Variants in LUC7L observed in about 807,000 individuals in gnomAD.
The protein encoded by LUC7L is putative RNA-binding protein Luc7-like 1.
LUC7L carries 29 observed loss-of-function variants against 51.1 expected under a neutral mutation model. That is an observed-to-expected ratio of 0.57 (90% CI 0.42 to 0.77). LUC7L has a LOEUF of 0.77. Ranked by LOEUF, LUC7L falls within the 30% of genes least tolerant of loss-of-function variation. The pLI, the probability that LUC7L is intolerant of heterozygous loss-of-function variation, is 0.00. For missense variants in LUC7L, 403 were observed against 511.9 expected (o/e 0.79, Z 2.05); for synonymous variants, 181 against 180.7 (o/e 1.00, Z -0.01).
At chr16:227,387 C>A (rs2142128067) in intron 1 of LUC7L, 51 bp from the exon 2 acceptor site, 1 of 1,552,384 alleles carries the variant, frequency 6.4e-7, no homozygotes. Context: ...CATTAACCAC[C>A]AAAAAATAAC....
At chr16:194,394 A>AC (rs1408604111) in intron 6 of LUC7L, among the ~76,000 whole-genome samples, 1 of 152,184 alleles carries the variant, frequency 6.6e-6, no homozygotes, top group Non-Finnish European at 1.5e-5. Context: ...GGCCTGAACC[A>AC]CCCAGCCTAT....
chr16:224,166 G>A (rs1438706428), intron 2 of LUC7L, among the ~76,000 whole-genome samples: 1 of 152,188 alleles, frequency 6.6e-6, no homozygotes, highest in Non-Finnish European at 1.5e-5. Flanking sequence ...AACAAAGTAT[G>A]AAGTACAAAT....
intron 1 of LUC7L, chr16:228,811 G>GT: frequency 7.7e-7 from 1 of 1,290,772 alleles, no homozygotes; most frequent in Non-Finnish European, 1.0e-6. Flanking sequence ...TCAGTTTACG[G>GT]TTCCCCTTGC....
intron 3 of LUC7L, among the ~76,000 whole-genome samples, chr16:217,776 C>T (rs1037811398): frequency 2.6e-5 from 4 of 151,226 alleles, no homozygotes; most frequent in African/African-American, 9.7e-5. Context: ...CAGTGGCTCA[C>T]GCCTATAATC....
intron 3 of LUC7L, among the ~76,000 whole-genome samples, chr16:219,507 G>C (rs952497096): frequency 1.4e-4 from 21 of 152,124 alleles, no homozygotes; most frequent in Admixed American, 6.6e-5. Context: ...CCTGAGCCCA[G>C]CAATTCACTT....
At chr16:204,288 G>GA (rs771018903) in intron 5 of LUC7L, among the ~76,000 whole-genome samples, 1,141 of 111,756 alleles carry the variant, frequency 0.01, 6 homozygotes, top group African/African-American at 0.025. Flanking sequence ...TACTAGAAAT[G>GA]AAAAAAAAAA....
At chr16:228,300 G>T in intron 1 of LUC7L, 1 of 1,302,842 alleles carries the variant, frequency 7.7e-7, no homozygotes, top group Non-Finnish European at 1.0e-6. Flanking sequence ...ACACTTTTTT[G>T]TTATAACAGC....
At chr16:204,455 G>C (rs1035474055) in intron 5 of LUC7L, among the ~76,000 whole-genome samples, 3 of 151,850 alleles carry the variant, frequency 2.0e-5, no homozygotes, top group Non-Finnish European at 4.4e-5. Flanking sequence ...TTAGCCGGGC[G>C]TGGTGGTGGG....
intron 6 of LUC7L, among the ~76,000 whole-genome samples, chr16:198,015 T>C (rs1168055112): frequency 6.6e-6 from 1 of 152,000 alleles, no homozygotes; most frequent in Admixed American, 6.6e-5. Flanking sequence ...ACGCCTGTGG[T>C]CCCAGCACTT....
At chr16:200,777 G>C (rs1418089863) in intron 5 of LUC7L, among the ~76,000 whole-genome samples, 2 of 151,940 alleles carry the variant, frequency 1.3e-5, no homozygotes, top group African/African-American at 2.4e-5. Flanking sequence ...ACCTACTCAA[G>C]AGACTGATTC....
chr16:224,821 G>C (rs888175866), intron 2 of LUC7L, among the ~76,000 whole-genome samples: 5 of 151,650 alleles, frequency 3.3e-5, no homozygotes, highest in African/African-American at 1.2e-4. Flanking sequence ...AACAGAGTGA[G>C]ACTCCGTCTG....
chr16:203,866 A>ACCTGGG, intron 5 of LUC7L, among the ~76,000 whole-genome samples: 1 of 151,992 alleles, frequency 6.6e-6, no homozygotes, highest in Admixed American at 6.6e-5. Context: ...AACACAAAAA[A>ACCTGGG]TTAGCCAGGT....
At chr16:189,709 G>C (rs2142030975) in intron 9 of LUC7L, 1 of 1,364,090 alleles carries the variant, frequency 7.3e-7, no homozygotes. Flanking sequence ...CAGCCACTCT[G>C]AGCATGGACG....
intron 4 of LUC7L, among the ~76,000 whole-genome samples, chr16:206,872 AAC>A (rs2049497270): frequency 6.8e-6 from 1 of 147,114 alleles, no homozygotes; most frequent in African/African-American, 2.6e-5. Flanking sequence ...CAGCTTGGGC[AAC>A]AGACTCCATC....
At chr16:228,998 C>G (rs912000746) in intron 1 of LUC7L, 7 of 1,436,704 alleles carry the variant, frequency 4.9e-6, no homozygotes, top group African/African-American at 2.9e-5. Context: ...GGAGCCGCGG[C>G]GCCCGCCGGG....
In LUC7L at chr16:229,344, G is replaced by C. The variant is rs1887124745; in HGVS notation, c.-5C>G. The stretch of plus-strand genomic sequence containing the variant: ...CATCTGCGCCTGGGCGGACATGGTA[G>C]CCGGCGGAGGCGACGGGGTCGGCCG... On this transcript the variant is annotated 5_prime_UTR_variant, in exon 1 of 10. Transcript: ENST00000293872. 2 of 1,499,694 alleles carry C rather than the reference G, an allele frequency of 1.3e-6. No individual in the cohort carries two copies. Among genetic ancestry groups the C allele is most frequent in the East Asian group, 5.4e-5 (2 of 37,292 alleles). The allele number at this position is 1,499,694 out of a possible 1,614,324, so 92.9% of individuals were successfully genotyped here. A position where few individuals can be genotyped will look rare whatever the true frequency, so the allele number is the denominator to read the frequency against.
intron 3 of LUC7L, among the ~76,000 whole-genome samples, chr16:218,624 G>A (rs760816097): frequency 6.6e-6 from 1 of 152,006 alleles, no homozygotes; most frequent in Non-Finnish European, 1.5e-5. Flanking sequence ...GGGAGGCTGA[G>A]GCAGGAGAAT....
chr16:197,665 A>G (rs1330904112), intron 6 of LUC7L, among the ~76,000 whole-genome samples: 1 of 152,226 alleles, frequency 6.6e-6, no homozygotes, highest in Non-Finnish European at 1.5e-5. Context: ...CTCCCATCAC[A>G]GTCCCAGGTT....
At chr16:199,030 C>T in intron 6 of LUC7L, 32 bp downstream of exon 6, 1 of 1,566,852 alleles carries the variant, frequency 6.4e-7, no homozygotes, top group Non-Finnish European at 8.7e-7. Flanking sequence ...CCCCAAGACT[C>T]CTCAGCTTTC....
Sources: allele counts gnomAD v4.1 joint callset (sites outside exome capture counted in the v4.1 genomes callset), GRCh38; gene constraint gnomAD v4.1.1; transcripts MANE v1.5; gene names NCBI Gene and HGNC (gene_info 2026-07-23, HGNC 2026-07-21).